Variants in SLC8A3 observed in about 807,000 individuals in gnomAD.
SLC8A3 encodes the protein solute carrier family 8 member A3.
In SLC8A3, 37 loss-of-function variants were observed where a neutral mutation model predicts 65.4. The ratio of observed to expected loss-of-function variants is 0.57; its 90% CI spans 0.44 to 0.74. The LOEUF (loss-of-function observed/expected upper bound fraction) is 0.74, where lower values mean the gene tolerates loss of function less well. Among genes scored for constraint, SLC8A3 ranks in the 30% least tolerant of loss-of-function variants. SLC8A3 has a pLI of 0.00. For missense variants in SLC8A3, 1,112 were observed against 1,172.1 expected (o/e 0.95, Z 0.75); for synonymous variants, 461 against 444.5 (o/e 1.04, Z -0.47).
chr14:70,061,033 C>T, intron 2 of SLC8A3, 94 bp from the exon 3 acceptor site: 2 of 640,326 alleles, frequency 3.1e-6, no homozygotes, highest in South Asian at 2.0e-5. Context: ...CCCGTCATTC[C>T]TGGCACATGC....
intron 2 of SLC8A3, chr14:70,063,894 G>A (rs376993571): frequency 2.5e-6 from 4 of 1,610,688 alleles, no homozygotes; most frequent in African/African-American, 2.7e-5. Context: ...TTTCTCATAT[G>A]CCTCATCATC....
chr14:70,146,463 C>T (rs57605884), intron 2 of SLC8A3, among the ~76,000 whole-genome samples: 9,220 of 152,120 alleles, frequency 0.061, 796 homozygotes, highest in East Asian at 0.37. Flanking sequence ...GGCTCTCTAA[C>T]GAAGCCCAGC....
intron 4 of SLC8A3, 67 bp from the exon 5 acceptor site, chr14:70,051,174 C>A (rs1594888468): frequency 1.8e-6 from 2 of 1,089,244 alleles, no homozygotes. Context: ...GAGTCTGGTT[C>A]TTCAAAGGAA....
rs756260497 is a variant in SLC8A3 at position 70,046,302 on chromosome 14, G to A, written c.2411C>T (p.Ala804Val). The part of the protein sequence containing the change: ...SVPDTFASKA[A>V]ALQDVYADAS... ...GTCTGCATATACATCCTGGAGGGCA[G>A]CAGCTTTGCTGGCAAACGTATCTGG... Residue 804 changes from alanine to valine, a missense_variant, in exon 7 of 7, where the codon GCT becomes GTT. By Grantham distance (64) the Ala-to-Val change is moderately conservative. Transcript: ENST00000356921. This position sits in a 1 kb window ranked among gnomAD's most constrained non-coding sequence, Gnocchi z 4.2. 1.9e-6 allele frequency: 3 copies of A among 1,608,860 alleles called. No homozygotes were observed. The highest frequency in any genetic ancestry group is 2.5e-6 in the Non-Finnish European group (3 of 1,176,628).
At chr14:70,122,610 G>A (rs544524186) in intron 2 of SLC8A3, among the ~76,000 whole-genome samples, 63 of 152,276 alleles carry the variant, frequency 4.1e-4, no homozygotes, top group African/African-American at 1.4e-3. Flanking sequence ...CATGGATGGC[G>A]CTTAGCCAAG....
intron 2 of SLC8A3, among the ~76,000 whole-genome samples, chr14:70,160,104 A>G (rs760189292): frequency 6.6e-5 from 10 of 152,230 alleles, no homozygotes; most frequent in Non-Finnish European, 1.3e-4. Context: ...ACAACTATAT[A>G]ACATTTACAT....
At chr14:70,119,700 G>C (rs746339522) in intron 2 of SLC8A3, among the ~76,000 whole-genome samples, 3 of 152,188 alleles carry the variant, frequency 2.0e-5, no homozygotes, top group Non-Finnish European at 4.4e-5. Flanking sequence ...AACCACTTAT[G>C]CAACTTTGCA....
chr14:70,054,522 G>C (rs149642586), intron 3 of SLC8A3, among the ~76,000 whole-genome samples: 44 of 151,946 alleles, frequency 2.9e-4, no homozygotes, highest in African/African-American at 9.2e-4. Flanking sequence ...AGGGGGGGCG[G>C]GTGGAGGAAA....
rs28386908 is a variant in SLC8A3, at chr14:70,070,997, C to A, written c.1785-10058G>T. Among the ~76,000 whole-genome samples, 216 of 152,300 alleles carry A rather than the reference C, an allele frequency of 1.4e-3. 1 individual carries two copies. Among genetic ancestry groups the A allele is most frequent in the African/African-American group, 5.1e-3 (212 of 41,566 alleles). Reference sequence around the variant, plus strand: ...ATGGTAGGAGTCTGCTCTGGTATACCACTGACAGTGTCAGATTCTCCCAAT... The same window carrying A: ...ATGGTAGGAGTCTGCTCTGGTATACAACTGACAGTGTCAGATTCTCCCAAT... On this transcript the variant is annotated intron_variant, in intron 2 of 6. Coordinates refer to ENST00000356921, the MANE Select transcript of SLC8A3 (RefSeq NM_182932.3).
At chr14:70,158,460 C>T (rs138314290) in intron 2 of SLC8A3, among the ~76,000 whole-genome samples, 207 of 152,248 alleles carry the variant, frequency 1.4e-3, no homozygotes, top group African/African-American at 4.8e-3. Context: ...CATCCATAAT[C>T]GACAATTTGT....
chr14:70,046,319 C>T lies in SLC8A3; in HGVS notation c.2394G>A (p.Thr798=), dbSNP rs776469567. ...FVAFGTSVPD[T]FASKAAALQD... ...GGAGGGCAGCAGCTTTGCTGGCAAA[C>T]GTATCTGGAAAAGGACAAAGACACA... Residue 798 remains threonine, a synonymous_variant, in exon 7 of 7, where the codon ACG becomes ACA. Transcript: ENST00000356921. The surrounding 1 kb of genome is among the most constrained non-coding windows in gnomAD (Gnocchi z 4.2). 19 of 1,602,446 alleles carry T rather than the reference C, an allele frequency of 1.2e-5. No individual in the cohort carries two copies. In the Middle Eastern group the frequency reaches 6.6e-4, roughly 56 times the overall value.
chr14:70,168,220 G>C lies in SLC8A3; in HGVS notation c.203C>G (p.Pro68Arg). The C allele has an allele frequency of 6.2e-7, 1 of 1,614,192 alleles. No homozygotes were observed. The highest frequency in any genetic ancestry group is 1.1e-5 in the South Asian group (1 of 91,086). The change falls in exon 2 of 7, where the codon CCT (proline) becomes CGT (arginine). Residue 68 changes from proline (P) to arginine (R), a missense_variant. By Grantham distance (103) the Pro-to-Arg change is moderately radical. Coordinates refer to ENST00000356921, the MANE Select transcript of SLC8A3 (RefSeq NM_182932.3). ...CCTGGCAATCTTGTCCCCAAGGGAA[G>C]GGTTCTCCGGGTACCAGATTGGCAG... ...VILPIWYPEN[P>R]SLGDKIARVI...
chr14:70,147,792 C>T (rs1017607632), intron 2 of SLC8A3, among the ~76,000 whole-genome samples: 9 of 152,202 alleles, frequency 5.9e-5, no homozygotes, highest in African/African-American at 1.9e-4. Flanking sequence ...ACCTTAACTG[C>T]AGCTAAATTG....
At chr14:70,078,611 A>G (rs1024507844) in intron 2 of SLC8A3, among the ~76,000 whole-genome samples, 6 of 152,182 alleles carry the variant, frequency 3.9e-5, no homozygotes, top group Admixed American at 6.5e-5. Context: ...GCTGACTTTA[A>G]GCTGCCAGTA....
At chr14:70,060,434 A>G (rs1888656019) in intron 3 of SLC8A3, among the ~76,000 whole-genome samples, 1 of 152,130 alleles carries the variant, frequency 6.6e-6, no homozygotes, top group African/African-American at 2.4e-5. Context: ...CTCCCCACCC[A>G]CCAAGGAATT....
rs534907058 is a variant in SLC8A3, at chr14:70,158,674, A to G, written c.1784+7965T>C. 2.0e-5 allele frequency among the ~76,000 whole-genome samples: 3 copies of G among 152,326 alleles called. No individual in the cohort carries two copies. The South Asian group carries it at 6.2e-4, about 32-fold the overall frequency. On this transcript the variant is annotated intron_variant, in intron 2 of 6. Transcript: ENST00000356921. The stretch of plus-strand genomic sequence containing the variant: ...CTATGTATGTTAATCCTTAGCTAGG[A>G]AGAGTAAGGATGGTTCCAAAATGAC...
At chr14:70,166,079 A>G (rs1156702953) in intron 2 of SLC8A3, among the ~76,000 whole-genome samples, 1 of 152,226 alleles carries the variant, frequency 6.6e-6, no homozygotes, top group African/African-American at 2.4e-5. Flanking sequence ...ATTTCTATCA[A>G]TTTTGCAATT....
intron 2 of SLC8A3, among the ~76,000 whole-genome samples, chr14:70,114,063 C>T (rs1228326963): frequency 6.6e-6 from 1 of 152,148 alleles, no homozygotes; most frequent in Non-Finnish European, 1.5e-5. Context: ...TTACCTTCTT[C>T]CCCAAGAAAA....
chr14:70,051,854 G>A, intron 4 of SLC8A3, 136 bp downstream of exon 4: 1 of 662,344 alleles, frequency 1.5e-6, no homozygotes, highest in Non-Finnish European at 2.6e-6. Flanking sequence ...GGGAAACTGA[G>A]ACCTGGGGTG....
Sources: allele counts gnomAD v4.1 joint callset (sites outside exome capture counted in the v4.1 genomes callset), GRCh38; gene constraint gnomAD v4.1.1; non-coding constraint Gnocchi (gnomAD v3.1); transcripts MANE v1.5; gene names NCBI Gene and HGNC (gene_info 2026-07-23, HGNC 2026-07-21).